The following JMJD6 variants were observed in gnomAD, a reference collection of about 807,000 sequenced individuals.
The protein encoded by JMJD6 is bifunctional arginine demethylase and lysyl-hydroxylase JMJD6.
A neutral mutation model predicts 45.8 loss-of-function variants in JMJD6; 17 were observed. The observed-to-expected ratio is 0.37, with a 90% CI of 0.25 to 0.56. JMJD6 has a LOEUF of 0.56. Among genes scored for constraint, JMJD6 ranks in the 20% least tolerant of loss-of-function variants. JMJD6 has a pLI of 0.79. For synonymous variants in JMJD6, 221 were observed against 196.3 expected, an observed-to-expected ratio of 1.13 and a Z score of -1.05; for missense variants, 470 against 517.5, an observed-to-expected ratio of 0.91 and a Z score of 0.89.
chr17:76,725,361 G>T, intron 2 of JMJD6, 106 bp downstream of exon 2: 1 of 1,077,032 alleles, frequency 9.3e-7, no homozygotes, highest in Non-Finnish European at 1.3e-6. Context: ...AGCCGAGATC[G>T]CACCACGGCA....
At chr17:76,725,105 T>C (rs1175393669) in intron 2 of JMJD6, among the ~76,000 whole-genome samples, 3 of 152,208 alleles carry the variant, frequency 2.0e-5, no homozygotes, top group South Asian at 2.1e-4. Context: ...CAAATGCTGT[T>C]GTAGATAAGA....
rs762806106 is a variant in JMJD6, at chr17:76,721,836, C to T, written c.903G>A (p.Thr301=). 4.3e-6 allele frequency: 7 copies of T among 1,614,142 alleles called. No individual in the cohort carries two copies. Among genetic ancestry groups the T allele is most frequent in the East Asian group, 2.2e-5 (1 of 44,890 alleles). Residue 301 remains threonine, a synonymous_variant, in exon 4 of 6, where the codon ACG becomes ACA. Coordinates refer to ENST00000397625, the MANE Select transcript of JMJD6 (RefSeq NM_015167.3). ...STNFPVVWHK[T]VRGRPKLSRK... ...TTGATAACTTTGGTCTCCCTCTTAC[C>T]GTCTTGTGCCATACCACAGGGAAGT...
intron 5 of JMJD6, 97 bp downstream of exon 5, chr17:76,720,263 C>A: frequency 8.6e-7 from 1 of 1,158,648 alleles, no homozygotes; most frequent in East Asian, 2.4e-5. Flanking sequence ...CTTTCATATC[C>A]TTCTCCTGGA....
intron 3 of JMJD6, 104 bp from the exon 4 acceptor site, chr17:76,722,037 C>G (rs2076831981): frequency 8.1e-7 from 1 of 1,228,672 alleles, no homozygotes; most frequent in South Asian, 1.4e-5. Context: ...AAGGGAGAGC[C>G]TACAGAGACA....
downstream of JMJD6, among the ~76,000 whole-genome samples, chr17:76,718,202 T>G (rs1288870570): frequency 6.7e-6 from 1 of 149,514 alleles, no homozygotes; most frequent in African/African-American, 2.5e-5. Context: ...ATCAGAGTTT[T>G]CTGCTGCTGT....
intron 5 of JMJD6, 113 bp from the exon 6 acceptor site, chr17:76,718,973 T>A: frequency 9.9e-7 from 1 of 1,008,738 alleles, no homozygotes; most frequent in Non-Finnish European, 1.4e-6. Flanking sequence ...TTCTCCCAAA[T>A]GCAAAGCAGT....
At chr17:76,722,017 TC>T in intron 3 of JMJD6, 84 bp from the exon 4 acceptor site, 1 of 1,461,316 alleles carries the variant, frequency 6.8e-7, no homozygotes, top group Non-Finnish European at 9.4e-7. Context: ...AATTGGGAAC[TC>T]CTACCCATAA....
chr17:76,717,071 G>A (rs1005119844), downstream of JMJD6, among the ~76,000 whole-genome samples: 5 of 152,148 alleles, frequency 3.3e-5, no homozygotes, highest in African/African-American at 9.7e-5. Flanking sequence ...GAGGCCACGC[G>A]ATAGGAGGGC....
In JMJD6 at chr17:76,724,006, G is replaced by A. The variant is rs780787949; in HGVS notation, c.571C>T (p.Leu191=). The A allele has an allele frequency of 6.2e-7, 1 of 1,614,166 alleles. No individual in the cohort carries two copies. The highest frequency in any genetic ancestry group is 8.5e-7 in the Non-Finnish European group (1 of 1,180,036). ...RSGTGIHIDP[L]GTSAWNALVQ... ...AAGGCATTCCAGGCACTGGTTCCCA[G>A]AGGGTCGATGTGAATCCCAGTTCCG... The change falls in exon 3 of 6, where the codon CTG becomes TTG. Residue 191 remains leucine, a synonymous_variant. Transcript: ENST00000397625.
intron 2 of JMJD6, 75 bp from the exon 3 acceptor site, chr17:76,724,133 G>C: frequency 2.0e-6 from 3 of 1,514,190 alleles, no homozygotes; most frequent in Non-Finnish European, 2.7e-6. Flanking sequence ...TAAGTTTTTA[G>C]TTTTTCTTTG....
chr17:76,722,013 G>C (rs763963505), intron 3 of JMJD6, 80 bp from the exon 4 acceptor site: 12 of 1,492,970 alleles, frequency 8.0e-6, no homozygotes, highest in Non-Finnish European at 1.0e-5. Flanking sequence ...CAGAAATTGG[G>C]AACTCCTACC....
chr17:76,714,502 CA>C (rs1239985700), downstream of JMJD6: 1 of 152,310 alleles, frequency 6.6e-6, no homozygotes, highest in South Asian at 2.1e-4. Flanking sequence ...GGCCACCCGC[CA>C]CCACTCCACT....
At chr17:76,721,481 A>G (rs1253392695) in intron 4 of JMJD6, 1 of 352,768 alleles carries the variant, frequency 2.8e-6, no homozygotes, top group Non-Finnish European at 5.4e-6. Context: ...ATAAAACCCA[A>G]ATAAAATGAT....
chr17:76,716,705 C>T (rs759427088), downstream of JMJD6: 73 of 1,614,046 alleles, frequency 4.5e-5, no homozygotes, highest in Admixed American at 4.2e-4. Flanking sequence ...AGCCCGGCCT[C>T]CACAAGTGTC....
downstream of JMJD6, among the ~76,000 whole-genome samples, chr17:76,717,204 G>C (rs1168826007): frequency 6.6e-6 from 1 of 152,168 alleles, no homozygotes; most frequent in Non-Finnish European, 1.5e-5. Flanking sequence ...ATGAACGTCA[G>C]TATTAAAACA....
At chr17:76,723,186 T>G (rs1327093795) in intron 3 of JMJD6, among the ~76,000 whole-genome samples, 1 of 151,994 alleles carries the variant, frequency 6.6e-6, no homozygotes, top group Non-Finnish European at 1.5e-5. Flanking sequence ...CCTCAAGTGA[T>G]CCACCCACTT....
At chr17:76,720,595 G>C in intron 4 of JMJD6, 97 bp from the exon 5 acceptor site, 1 of 1,196,510 alleles carries the variant, frequency 8.4e-7, no homozygotes. Context: ...AGAAACACCT[G>C]GGAATGCCAG....
intron 4 of JMJD6, 108 bp downstream of exon 4, chr17:76,721,690 C>G: frequency 7.8e-7 from 1 of 1,287,372 alleles, no homozygotes; most frequent in East Asian, 2.3e-5. Flanking sequence ...CCCAGCTTTG[C>G]CCAGGCCTGT....
chr17:76,726,434 C>T lies in JMJD6; in HGVS notation c.42G>A (p.Arg14=). The change falls in exon 1 of 6, where the codon CGG becomes CGA. Residue 14 remains arginine (R), a synonymous_variant. Transcript: ENST00000397625. The part of the protein sequence containing the change: ...KSKKRIREAK[R]SARPELKDSL... ...AGTCCTTGAGCTCCGGCCGCGCACT[C>T]CGCTTGGCCTCGCGGATGCGCTTCT... The T allele has an allele frequency of 6.2e-7, 1 of 1,604,322 alleles. No individual in the cohort carries two copies.
Sources: gnomAD v4.1 joint callset for allele counts (sites outside exome capture counted in the v4.1 genomes callset) on GRCh38, gnomAD v4.1.1 for gene constraint, MANE v1.5 for transcripts, NCBI Gene and HGNC (gene_info 2026-07-23, HGNC 2026-07-21) for gene names.